The following IDO2 variants were observed in gnomAD, a reference collection of about 807,000 sequenced individuals.
IDO2 encodes the protein indoleamine 2,3-dioxygenase-like 1 protein.
IDO2 carries 46 observed loss-of-function variants against 45.1 expected under a neutral mutation model. That is an observed-to-expected ratio of 1.02 (90% CI 0.80 to 1.30). The LOEUF is 1.30. IDO2 is among the 50% of genes most tolerant of loss of function. IDO2 has a pLI of 0.00. For synonymous variants in IDO2, 218 were observed against 184.9 expected, an observed-to-expected ratio of 1.18 and a Z score of -1.45; for missense variants, 544 against 491.8, an observed-to-expected ratio of 1.11 and a Z score of -1.00.
At chr8:39,960,774 G>A (rs913165100) in intron 2 of IDO2, among the ~76,000 whole-genome samples, 2 of 152,026 alleles carry the variant, frequency 1.3e-5, no homozygotes, top group African/African-American at 2.4e-5. Flanking sequence ...CTACTGTCTT[G>A]ACTTTTTAAT....
chr8:39,951,086 A>G (rs1271738524), intron 2 of IDO2, among the ~76,000 whole-genome samples: 1 of 148,274 alleles, frequency 6.7e-6, no homozygotes, highest in Non-Finnish European at 1.5e-5. Flanking sequence ...TGGAAGCAGC[A>G]GAGTTTTTAT....
intron 8 of IDO2, among the ~76,000 whole-genome samples, chr8:40,003,853 T>C (rs1040717309): frequency 2.0e-5 from 3 of 152,252 alleles, no homozygotes; most frequent in Non-Finnish European, 2.9e-5. Context: ...AAGTATAATA[T>C]GCACCATAGG....
At chr8:39,944,844 G>A (rs1322302942) in intron 1 of IDO2, among the ~76,000 whole-genome samples, 1 of 152,112 alleles carries the variant, frequency 6.6e-6, no homozygotes, top group East Asian at 1.9e-4. Flanking sequence ...GCCGTCTCTC[G>A]GTCGCTGGCT....
At chr8:39,965,509 A>G (rs1243104704) in intron 3 of IDO2, among the ~76,000 whole-genome samples, 1 of 146,926 alleles carries the variant, frequency 6.8e-6, no homozygotes, top group Admixed American at 7.1e-5. Context: ...AAAACAAACA[A>G]ACAAATATAT....
chr8:39,948,846 C>G (rs1258893384), intron 1 of IDO2, among the ~76,000 whole-genome samples: 1 of 152,130 alleles, frequency 6.6e-6, no homozygotes, highest in African/African-American at 2.4e-5. Flanking sequence ...TTTCATTTCT[C>G]CTTTTCCAAA....
chr8:39,976,624 T>C (rs905262835), intron 3 of IDO2, among the ~76,000 whole-genome samples: 5 of 152,238 alleles, frequency 3.3e-5, no homozygotes, highest in Admixed American at 3.3e-4. Context: ...CATGTTGCCC[T>C]GAATCATGTT....
chr8:39,980,449 A>T (rs1365438048), intron 4 of IDO2, among the ~76,000 whole-genome samples: 1 of 150,672 alleles, frequency 6.6e-6, no homozygotes, highest in Non-Finnish European at 1.5e-5. Context: ...TTAATAATTC[A>T]TCCAAATCTC....
intron 8 of IDO2, 82 bp from the exon 9 acceptor site, chr8:40,005,245 G>C: frequency 1.2e-6 from 1 of 856,110 alleles, no homozygotes; most frequent in Admixed American, 2.5e-5. Flanking sequence ...AAGGAACTCC[G>C]GGACAGCAGC....
At chr8:39,961,053 G>A (rs979558749) in intron 2 of IDO2, among the ~76,000 whole-genome samples, 1 of 152,168 alleles carries the variant, frequency 6.6e-6, no homozygotes, top group Non-Finnish European at 1.5e-5. Flanking sequence ...AAAGAGTTGG[G>A]ATTATAGGCG....
At chr8:39,983,009 A>C (rs551167071) in intron 5 of IDO2, among the ~76,000 whole-genome samples, 1 of 152,310 alleles carries the variant, frequency 6.6e-6, no homozygotes, top group Non-Finnish European at 1.5e-5. Context: ...GAATTTCTCA[A>C]CCTGACCTTC....
chr8:39,948,234 GTGT>G (rs1484202685), intron 1 of IDO2, among the ~76,000 whole-genome samples: 1 of 152,174 alleles, frequency 6.6e-6, no homozygotes, highest in African/African-American at 2.4e-5. Flanking sequence ...AAAAGTTATT[GTGT>G]TGTTTCTTAA....
intron 3 of IDO2, among the ~76,000 whole-genome samples, chr8:39,969,448 C>T (rs1243616175): frequency 6.6e-6 from 1 of 152,074 alleles, no homozygotes; most frequent in South Asian, 2.1e-4. Context: ...CAGCCATTGC[C>T]CCATCTCTCT....
intron 9 of IDO2, among the ~76,000 whole-genome samples, chr8:40,012,259 G>T (rs774815407): frequency 1.8e-4 from 28 of 152,162 alleles, no homozygotes; most frequent in Non-Finnish European, 4.0e-4. Context: ...TCATAACAGA[G>T]AAAGTAGCTT....
At chr8:39,982,827 G>C in intron 5 of IDO2, 57 bp downstream of exon 5, 1 of 1,159,402 alleles carries the variant, frequency 8.6e-7, no homozygotes, top group Non-Finnish European at 1.2e-6. Flanking sequence ...GAAACACCCA[G>C]GCTTTTTTTT....
At chr8:39,959,792 A>G (rs1245694623) in intron 2 of IDO2, among the ~76,000 whole-genome samples, 2 of 152,226 alleles carry the variant, frequency 1.3e-5, no homozygotes, top group African/African-American at 4.8e-5. Flanking sequence ...AGCCTGAGCA[A>G]TAGGGTGAAA....
At chr8:40,015,669 C>T (rs2981162) in exon 11 of IDO2, 1,141,833 of 1,147,198 alleles carry the variant, frequency 1, 568,403 homozygotes, top group East Asian at 1. Flanking sequence ...GAATGAGGGT[C>T]AGGGTTCTGC....
chr8:39,981,690 C>T (rs1808354965), intron 4 of IDO2, among the ~76,000 whole-genome samples: 1 of 152,130 alleles, frequency 6.6e-6, no homozygotes, highest in Non-Finnish European at 1.5e-5. Flanking sequence ...CTCATTAAAG[C>T]TCTTTAGTGT....
At chr8:39,958,790 C>T (rs1340705943) in intron 2 of IDO2, among the ~76,000 whole-genome samples, 4 of 151,284 alleles carry the variant, frequency 2.6e-5, no homozygotes, top group Non-Finnish European at 5.9e-5. Flanking sequence ...TTTAATTTTC[C>T]TATGCTACTT....
chr8:39,982,421 C>T (rs759323362), intron 4 of IDO2, among the ~76,000 whole-genome samples: 3 of 151,922 alleles, frequency 2.0e-5, no homozygotes, highest in Non-Finnish European at 4.4e-5. Flanking sequence ...TGTGGTCCAG[C>T]GTTGTAATTT....
Sources: gnomAD v4.1 joint callset for allele counts (sites outside exome capture counted in the v4.1 genomes callset) on GRCh38, gnomAD v4.1.1 for gene constraint, MANE v1.5 for transcripts, NCBI Gene and HGNC (gene_info 2026-07-23, HGNC 2026-07-21) for gene names.